Variants in NTM observed in about 807,000 individuals in gnomAD.
NTM encodes the protein neurotrimin.
A neutral mutation model predicts 42.1 loss-of-function variants in NTM; 13 were observed. The ratio of observed to expected loss-of-function variants is 0.31; its 90% CI spans 0.20 to 0.49. The LOEUF (loss-of-function observed/expected upper bound fraction) is 0.49. Among genes scored for constraint, NTM ranks in the 20% least tolerant of loss-of-function variants. The pLI, the probability that NTM is intolerant of heterozygous loss-of-function variation, is 0.99. For synonymous variants in NTM, 187 were observed against 179.2 expected (o/e 1.04, Z -0.35); for missense variants, 373 against 452.8 (o/e 0.82, Z 1.60).
At chr11:132,105,598 A>T (rs1397661361) in intron 2 of NTM, among the ~76,000 whole-genome samples, 3 of 152,104 alleles carry the variant, frequency 2.0e-5, no homozygotes, top group Non-Finnish European at 4.4e-5. Context: ...GCAGCAGAGA[A>T]GCGTTGATCC....
chr11:131,864,978 G>A (rs1311467633), intron 1 of NTM, among the ~76,000 whole-genome samples: 3 of 152,174 alleles, frequency 2.0e-5, no homozygotes, highest in Non-Finnish European at 4.4e-5. Flanking sequence ...AACCTCTCCC[G>A]CACCGGCCCA....
At chr11:131,731,465 G>T (rs561331210) in intron 1 of NTM, among the ~76,000 whole-genome samples, 13 of 152,056 alleles carry the variant, frequency 8.5e-5, no homozygotes, top group African/African-American at 2.9e-4. Flanking sequence ...TCTAGAAAAG[G>T]CCTTAAATGC....
At chr11:131,485,832 G>A (rs1221357953) in intron 1 of NTM, among the ~76,000 whole-genome samples, 1 of 152,114 alleles carries the variant, frequency 6.6e-6, no homozygotes, top group Non-Finnish European at 1.5e-5. Flanking sequence ...AGTGTTGAAT[G>A]CAGCCTCAAG....
chr11:132,037,808 C>T (rs889774514), intron 2 of NTM, among the ~76,000 whole-genome samples: 1 of 152,228 alleles, frequency 6.6e-6, no homozygotes, highest in African/African-American at 2.4e-5. Flanking sequence ...CTAATTATAA[C>T]ATAGCTGCTA....
At chr11:131,978,829 A>G (rs984827458) in intron 2 of NTM, among the ~76,000 whole-genome samples, 2 of 152,212 alleles carry the variant, frequency 1.3e-5, no homozygotes, top group Admixed American at 1.3e-4. Flanking sequence ...GAAATGCATT[A>G]ACCTATGTTT....
chr11:131,465,304 GC>G (rs1013062938), intron 1 of NTM, among the ~76,000 whole-genome samples: 5 of 152,178 alleles, frequency 3.3e-5, no homozygotes, highest in Non-Finnish European at 7.3e-5. Context: ...AGGATGGTTG[GC>G]CCCACACACG....
At position 131,945,326 on chromosome 11, in the gene NTM, C is replaced by T. The variant is rs955959113; in HGVS notation, c.167+33678C>T. On this transcript the variant is annotated intron_variant, in intron 2 of 8. Coordinates refer to ENST00000683400, the MANE Select transcript of NTM (RefSeq NM_001352005.2). The stretch of plus-strand genomic sequence containing the variant: ...TTGAAGCAGTGCAGGAAGTGAGATG[C>T]CTGAACTCCACAGCGCTCTCATATC... Among the ~76,000 whole-genome samples the T allele has an allele frequency of 7.2e-5, 11 of 152,138 alleles. 1 individual carries two copies.
chr11:131,802,097 T>C (rs1424658640), intron 1 of NTM, among the ~76,000 whole-genome samples: 2 of 151,614 alleles, frequency 1.3e-5, no homozygotes, highest in East Asian at 3.9e-4. Context: ...TAAGAGAGAG[T>C]CTCTTTCCCT....
intron 2 of NTM, among the ~76,000 whole-genome samples, chr11:131,991,926 A>T (rs1009058383): frequency 6.6e-6 from 1 of 152,332 alleles, no homozygotes; most frequent in East Asian, 1.9e-4. Flanking sequence ...TCATATTTTC[A>T]TGAAGTGCTT....
intron 2 of NTM, among the ~76,000 whole-genome samples, chr11:132,044,210 T>A (rs571411109): frequency 1.3e-5 from 2 of 152,096 alleles, no homozygotes; most frequent in Non-Finnish European, 2.9e-5. Flanking sequence ...AAATGGGTCT[T>A]ATGCACTACC....
intron 1 of NTM, among the ~76,000 whole-genome samples, chr11:131,630,479 T>A (rs1340915406): frequency 2.0e-5 from 3 of 152,118 alleles, no homozygotes; most frequent in Non-Finnish European, 4.4e-5. Context: ...TCTACTTGAA[T>A]TAAAGAAGAA....
intron 1 of NTM, among the ~76,000 whole-genome samples, chr11:131,711,596 A>G (rs2077140522): frequency 1.3e-5 from 2 of 152,298 alleles, no homozygotes; most frequent in East Asian, 1.9e-4. Context: ...ATCTAGAACT[A>G]GAAATACCAT....
chr11:131,680,532 TC>T (rs1179092410), intron 1 of NTM, among the ~76,000 whole-genome samples: 28 of 131,658 alleles, frequency 2.1e-4, no homozygotes, highest in African/African-American at 6.9e-4. Flanking sequence ...CATGGCTGTG[TC>T]TGTGTCTGTG....
At chr11:132,283,787 G>A (rs1287222090) in intron 4 of NTM, among the ~76,000 whole-genome samples, 1 of 152,064 alleles carries the variant, frequency 6.6e-6, no homozygotes, top group Non-Finnish European at 1.5e-5. Flanking sequence ...TCTGAAATGT[G>A]CCCTCCTGTT....
chr11:131,731,597 C>G (rs1284488866), intron 1 of NTM, among the ~76,000 whole-genome samples: 1 of 152,184 alleles, frequency 6.6e-6, no homozygotes, highest in Non-Finnish European at 1.5e-5. Context: ...CCTTTCCAGT[C>G]CTCCACGTGG....
chr11:131,616,507 T>C (rs917217961), intron 1 of NTM, among the ~76,000 whole-genome samples: 43 of 152,194 alleles, frequency 2.8e-4, no homozygotes, highest in African/African-American at 1.0e-3. Context: ...CAGGGAAATC[T>C]GTCACTGGCT....
chr11:131,904,999 C>T (rs557122129), intron 1 of NTM, among the ~76,000 whole-genome samples: 1 of 152,272 alleles, frequency 6.6e-6, no homozygotes, highest in South Asian at 2.1e-4. Flanking sequence ...GCAGTCTGCT[C>T]CTGGGTTCTC....
intron 4 of NTM, among the ~76,000 whole-genome samples, chr11:132,245,198 C>G (rs909069579): frequency 2.8e-4 from 43 of 152,256 alleles, no homozygotes; most frequent in African/African-American, 9.6e-4. Flanking sequence ...GAAGCTGCAC[C>G]GTGTGAAGTC....
intron 6 of NTM, among the ~76,000 whole-genome samples, chr11:132,310,624 G>A (rs951280758): frequency 6.6e-6 from 1 of 152,164 alleles, no homozygotes; most frequent in Non-Finnish European, 1.5e-5. Flanking sequence ...TCAGGGCCCT[G>A]GGAGTGGCTA....
Sources: allele counts gnomAD v4.1 joint callset (sites outside exome capture counted in the v4.1 genomes callset), GRCh38; gene constraint gnomAD v4.1.1; transcripts MANE v1.5; gene names NCBI Gene and HGNC (gene_info 2026-07-23, HGNC 2026-07-21).